FHIT: variants seen among roughly 807,000 people sequenced by gnomAD.
FHIT encodes the protein fragile histidine triad diadenosine triphosphatase, also known as bis(5'-adenosyl)-triphosphatase.
Under a neutral mutation model 17.9 loss-of-function variants are expected in FHIT, and 19 were observed. The observed-to-expected ratio is 1.06, with a 90% CI of 0.74 to 1.56. The LOEUF (loss-of-function observed/expected upper bound fraction) is 1.56, where lower values mean the gene tolerates loss of function less well. Among genes scored for constraint, FHIT ranks in the 40% most tolerant of loss-of-function variants. The probability of loss-of-function intolerance (pLI) is 0.00; values close to 1 mark genes in which losing one functional copy is unlikely to be tolerated. For synonymous variants in FHIT, 81 were observed against 69.7 expected, an observed-to-expected ratio of 1.16 and a Z score of -0.81; for missense variants, 248 against 189.2, an observed-to-expected ratio of 1.31 and a Z score of -1.82.
chr3:60,732,287 G>A lies in FHIT; in HGVS notation c.-18+89632C>T. The A allele has an allele frequency of 3.2e-6, 3 of 943,070 alleles. No homozygotes were observed. The Admixed American group carries it at 5.1e-5, about 16-fold the overall frequency. The allele number at this position is 943,070 out of a possible 1,614,324, so 58.4% of individuals were successfully genotyped here. A position where few individuals can be genotyped will look rare whatever the true frequency, so the allele number is the denominator to read the frequency against. On this transcript the variant is annotated intron_variant, in intron 4 of 9. Coordinates refer to ENST00000492590, the MANE Select transcript of FHIT (RefSeq NM_002012.4). ...GCTTGCCATCCAACCACTGAGTCTT[G>A]GCAGGGCACATGAAAAACTGGGAAC...
chr3:60,455,572 G>C (rs1246974819), intron 5 of FHIT, among the ~76,000 whole-genome samples: 2 of 152,092 alleles, frequency 1.3e-5, no homozygotes, highest in Non-Finnish European at 2.9e-5. Flanking sequence ...ATTTGCTTTA[G>C]TATGAATAAT....
At chr3:59,784,098 G>C (rs1226167569) in intron 8 of FHIT, among the ~76,000 whole-genome samples, 1 of 152,104 alleles carries the variant, frequency 6.6e-6, no homozygotes, top group Non-Finnish European at 1.5e-5. Flanking sequence ...AAAATGATTG[G>C]ACCGACCTGC....
intron 5 of FHIT, among the ~76,000 whole-genome samples, chr3:60,258,574 AT>A (rs1434073147): frequency 8.3e-6 from 1 of 119,870 alleles, no homozygotes; most frequent in Non-Finnish European, 2.2e-5. Context: ...TGATAGTAGT[AT>A]AGGGGAAAAA....
At chr3:60,425,345 A>G (rs1702623215) in intron 5 of FHIT, among the ~76,000 whole-genome samples, 1 of 152,172 alleles carries the variant, frequency 6.6e-6, no homozygotes, top group Non-Finnish European at 1.5e-5. Flanking sequence ...AGCCAAGACC[A>G]CTGCCAAAGA....
chr3:61,175,381 A>T (rs757381544), intron 2 of FHIT, among the ~76,000 whole-genome samples: 1 of 152,052 alleles, frequency 6.6e-6, no homozygotes, highest in Non-Finnish European at 1.5e-5. Flanking sequence ...TGCCAGCTTG[A>T]CCACCTCCCC....
At chr3:59,764,486 G>A (rs999736796) in intron 8 of FHIT, among the ~76,000 whole-genome samples, 10 of 152,116 alleles carry the variant, frequency 6.6e-5, no homozygotes, top group Admixed American at 3.3e-4. Flanking sequence ...CTACTCACCC[G>A]TTGGAAGTTA....
intron 3 of FHIT, among the ~76,000 whole-genome samples, chr3:60,826,720 C>G (rs1254345759): frequency 6.6e-6 from 1 of 152,142 alleles, no homozygotes; most frequent in Non-Finnish European, 1.5e-5. Flanking sequence ...ACCAGAACAC[C>G]GGAAGCAGCC....
chr3:60,721,222 G>A (rs1433430900), intron 4 of FHIT, among the ~76,000 whole-genome samples: 7 of 152,132 alleles, frequency 4.6e-5, no homozygotes, highest in African/African-American at 1.7e-4. Context: ...CACTACTCAA[G>A]TATTTGGAGT....
intron 4 of FHIT, among the ~76,000 whole-genome samples, chr3:60,629,763 G>A (rs1309267276): frequency 6.6e-6 from 1 of 152,078 alleles, no homozygotes; most frequent in Non-Finnish European, 1.5e-5. Context: ...AATGTATCTA[G>A]GTAGACTGCC....
intron 4 of FHIT, among the ~76,000 whole-genome samples, chr3:60,805,502 C>A (rs922404795): frequency 6.6e-6 from 1 of 151,852 alleles, no homozygotes; most frequent in Non-Finnish European, 1.5e-5. Context: ...TGGATTAGGT[C>A]CCACCCTTAT....
intron 5 of FHIT, among the ~76,000 whole-genome samples, chr3:60,530,522 G>A (rs952356966): frequency 4.6e-5 from 7 of 152,100 alleles, no homozygotes; most frequent in African/African-American, 1.2e-4. Flanking sequence ...CTCGGCTCCA[G>A]AAACAAAAAA....
chr3:61,199,177 A>G (rs892399629), intron 2 of FHIT, among the ~76,000 whole-genome samples: 2 of 152,220 alleles, frequency 1.3e-5, no homozygotes, highest in African/African-American at 4.8e-5. Context: ...CAGAGTACCA[A>G]TTCAACAAAA....
intron 4 of FHIT, among the ~76,000 whole-genome samples, chr3:60,770,155 A>G (rs1553722685): frequency 1.3e-5 from 2 of 152,204 alleles, no homozygotes; most frequent in African/African-American, 4.8e-5. Flanking sequence ...GCAACCCCAA[A>G]TGAGCAGAAG....
At chr3:59,944,514 CTTTT>C (rs5849312) in intron 7 of FHIT, among the ~76,000 whole-genome samples, 1 of 150,088 alleles carries the variant, frequency 6.7e-6, no homozygotes, top group Non-Finnish European at 1.5e-5. Context: ...ACATTTTTTT[CTTTT>C]TTTTTTATTT....
chr3:60,222,720 G>C (rs886561748), intron 5 of FHIT, among the ~76,000 whole-genome samples: 1 of 152,052 alleles, frequency 6.6e-6, no homozygotes, highest in African/African-American at 2.4e-5. Flanking sequence ...CTATGCTGAT[G>C]GTTTGACTAA....
chr3:60,954,979 TG>T (rs1464299809), intron 3 of FHIT, among the ~76,000 whole-genome samples: 1 of 152,202 alleles, frequency 6.6e-6, no homozygotes, highest in African/African-American at 2.4e-5. Context: ...TCTTATTTAC[TG>T]ATCAAATTAA....
intron 1 of FHIT, among the ~76,000 whole-genome samples, chr3:61,239,782 T>TATATATATATATATATATATATATAC (rs895030251): frequency 6.9e-4 from 100 of 143,952 alleles, no homozygotes; most frequent in Non-Finnish European, 1.0e-3. Flanking sequence ...TATATATATA[T>TATATATATATATATATATATATATAC]ATACACAAAT....
intron 4 of FHIT, among the ~76,000 whole-genome samples, chr3:60,688,486 C>A (rs572530016): frequency 1.3e-5 from 2 of 150,602 alleles, no homozygotes; most frequent in South Asian, 4.2e-4. Context: ...AGCTGGAATG[C>A]AATGGTGCAA....
intron 5 of FHIT, among the ~76,000 whole-genome samples, chr3:60,489,076 G>C (rs1321604334): frequency 1.3e-5 from 2 of 152,086 alleles, no homozygotes; most frequent in African/African-American, 4.8e-5. Flanking sequence ...GTGCTAAAAA[G>C]TAGACATTTT....
Sources: gnomAD v4.1 joint callset for allele counts (sites outside exome capture counted in the v4.1 genomes callset) on GRCh38, gnomAD v4.1.1 for gene constraint, MANE v1.5 for transcripts, NCBI Gene and HGNC (gene_info 2026-07-23, HGNC 2026-07-21) for gene names.